Variants in EIF4A2 observed in about 807,000 individuals in gnomAD.
EIF4A2 encodes eukaryotic initiation factor 4A-II.
A neutral mutation model predicts 50.6 loss-of-function variants in EIF4A2; 9 were observed. The ratio of observed to expected loss-of-function variants is 0.18; its 90% CI spans 0.11 to 0.31. The LOEUF is 0.31. Among genes scored for constraint, EIF4A2 ranks in the 10% least tolerant of loss-of-function variants. The probability of loss-of-function intolerance (pLI) is 1.00; values close to 1 mark genes in which losing one functional copy is unlikely to be tolerated. For synonymous variants in EIF4A2, 215 were observed against 164.4 expected (o/e 1.31, Z -2.35); for missense variants, 182 against 501.8 (o/e 0.36, Z 6.09).
chr3:186,788,666 C>T (rs759562613), intron 10 of EIF4A2: 3 of 228,978 alleles, frequency 1.3e-5, no homozygotes, highest in African/African-American at 6.9e-5. Flanking sequence ...TATTTGTTTT[C>T]CCACTGGAAA....
In EIF4A2 at chr3:186,789,762, T is replaced by C. The variant is rs915472813; in HGVS notation, c.*493T>C. The C allele has an allele frequency of 1.9e-6, 1 of 534,450 alleles. No homozygotes were observed. The highest frequency in any genetic ancestry group is 3.3e-6 in the Non-Finnish European group (1 of 302,386). The allele number at this position is 534,450 out of a possible 1,614,324, so 33.1% of individuals were successfully genotyped here. A position where few individuals can be genotyped will look rare whatever the true frequency, so the allele number is the denominator to read the frequency against. On this transcript the variant is annotated 3_prime_UTR_variant, in exon 11 of 11. Transcript: ENST00000323963. ...TTTATTCAATAAAGTATTTAATTAG[T>C]GCTAAGTGTGAACTGGACCCTGTTG... is the stretch of plus-strand genomic sequence containing the variant.
At position 186,789,376 on chromosome 3, in the gene EIF4A2, T is replaced by C; in HGVS notation, c.*107T>C. On this transcript the variant is annotated 3_prime_UTR_variant, in exon 11 of 11. Coordinates refer to ENST00000323963, the MANE Select transcript of EIF4A2 (RefSeq NM_001967.4). ...GAATATTTGAATCTTGTCTCAATGC[T>C]CATAACGGATCAGAAATACAGATTT... The C allele has an allele frequency of 4.9e-6, 7 of 1,426,322 alleles. No individual in the cohort carries two copies. The highest frequency in any genetic ancestry group is 1.5e-5 in the South Asian group (1 of 67,512). 88.4% of individuals were successfully genotyped at this position (1,426,322 alleles called of 1,614,324 possible).
chr3:186,787,933 A>T (rs189908673), intron 10 of EIF4A2, 51 bp downstream of exon 10: 1 of 1,578,826 alleles, frequency 6.3e-7, no homozygotes, highest in African/African-American at 1.4e-5. Flanking sequence ...ACGTTTTTCT[A>T]CTGTGATTTG....
At chr3:186,784,367 A>G (rs1721566701) in intron 1 of EIF4A2, 65 bp from the exon 2 acceptor site, 42 of 1,612,524 alleles carry the variant, frequency 2.6e-5, no homozygotes, top group Admixed American at 3.3e-5. Context: ...GCAAAGGGCT[A>G]TGCGCTTAAG....
chr3:186,783,713 C>G (rs266720), intron 1 of EIF4A2, 74 bp downstream of exon 1: 3 of 1,610,598 alleles, frequency 1.9e-6, no homozygotes, highest in Non-Finnish European at 2.5e-6. Flanking sequence ...GTGGATGGCA[C>G]GGAGGCAAAA....
chr3:186,784,831 C>T (rs1164233928), intron 3 of EIF4A2, 131 bp from the exon 4 acceptor site: 3 of 1,598,938 alleles, frequency 1.9e-6, no homozygotes, highest in Non-Finnish European at 2.6e-6. Context: ...CGGGACTGAC[C>T]TGAAATGAAG....
rs11538612 is a variant in EIF4A2, at chr3:186,786,618, A to G, written c.744A>G (p.Lys248=). Residue 248 remains lysine, a synonymous_variant, in exon 7 of 11, where the codon AAA becomes AAG. Coordinates refer to ENST00000323963, the MANE Select transcript of EIF4A2 (RefSeq NM_001967.4). ...KKEELTLEGI[K]QFYINVEREE... ...AAGAATTGACCCTTGAAGGAATCAA[A>G]CAGTTTTATATTAATGTTGAGAGAG... 16,358 of 1,614,050 alleles carry G rather than the reference A, an allele frequency of 0.01. 305 individuals carry two copies. Among genetic ancestry groups the G allele is most frequent in the East Asian group, 0.081 (3,646 of 44,874 alleles).
chr3:186,785,813 C>T (rs2108457265), intron 4 of EIF4A2, 70 bp from the exon 5 acceptor site: 3 of 1,538,880 alleles, frequency 1.9e-6, no homozygotes, highest in Admixed American at 1.9e-5. Context: ...ATTATATTTG[C>T]CTTTATGCTT....
intron 10 of EIF4A2, chr3:186,788,422 T>G (rs2108462075): frequency 8.0e-7 from 1 of 1,247,506 alleles, no homozygotes; most frequent in Non-Finnish European, 1.0e-6. Flanking sequence ...AGCGAGTCGG[T>G]ATTTATATTT....
rs1722005214 is a variant in EIF4A2 at position 186,789,752 on chromosome 3, A to G, written c.*483A>G. 2.1e-6 allele frequency: 1 copy of G among 484,388 alleles called. No homozygotes were observed. The highest frequency in any genetic ancestry group is 3.7e-6 in the Non-Finnish European group (1 of 273,824). The allele number at this position is 484,388 out of a possible 1,614,324, so 30.0% of individuals were successfully genotyped here. ...TGGTATTGTATTTATTCAATAAAGT[A>G]TTTAATTAGTGCTAAGTGTGAACTG... is the stretch of plus-strand genomic sequence containing the variant. On this transcript the variant is annotated 3_prime_UTR_variant, in exon 11 of 11. Transcript: ENST00000323963.
intron 1 of EIF4A2, 42 bp downstream of exon 1, chr3:186,783,681 T>A (rs777383270): frequency 1.2e-6 from 2 of 1,614,004 alleles, no homozygotes; most frequent in Non-Finnish European, 1.7e-6. Context: ...GTGAAGGTCA[T>A]AGGGCGCCAG....
At chr3:186,786,689 G>A in intron 7 of EIF4A2, 44 bp downstream of exon 7, 1 of 1,611,004 alleles carries the variant, frequency 6.2e-7, no homozygotes, top group Non-Finnish European at 8.5e-7. Flanking sequence ...TCTTGTATAA[G>A]CACTGTGCTA....
chr3:186,786,091 T>C (rs1721685743), intron 5 of EIF4A2, 40 bp downstream of exon 5: 7 of 1,601,050 alleles, frequency 4.4e-6, no homozygotes, highest in Non-Finnish European at 6.0e-6. Context: ...TTTAAAACTG[T>C]TAACATAGTT....
chr3:186,787,930 T>C (rs780930217), intron 10 of EIF4A2, 48 bp downstream of exon 10: 1 of 1,583,570 alleles, frequency 6.3e-7, no homozygotes, highest in Non-Finnish European at 8.7e-7. Flanking sequence ...CATACGTTTT[T>C]CTACTGTGAT....
chr3:186,786,990 A>C, intron 7 of EIF4A2, 137 bp from the exon 8 acceptor site: 1 of 1,302,704 alleles, frequency 7.7e-7, no homozygotes, highest in South Asian at 1.4e-5. Flanking sequence ...GTCTGGTTGG[A>C]ACTCTGGGCT....
At chr3:186,788,340 G>A (rs1390671407) in intron 10 of EIF4A2, 6 of 1,290,122 alleles carry the variant, frequency 4.7e-6, no homozygotes, top group Non-Finnish European at 6.1e-6. Context: ...TGACGAGATG[G>A]CACTCAGAAA....
At chr3:186,788,264 T>C (rs762027774) in intron 10 of EIF4A2, 1 of 1,283,090 alleles carries the variant, frequency 7.8e-7, no homozygotes, top group African/African-American at 1.5e-5. Context: ...TAAATTGAAT[T>C]GTACTTTGTT....
intron 9 of EIF4A2, 85 bp from the exon 10 acceptor site, chr3:186,787,718 G>A (rs768617199): frequency 1.9e-6 from 3 of 1,592,284 alleles, no homozygotes; most frequent in South Asian, 2.2e-5. Flanking sequence ...ATACCACTTA[G>A]TATAGTTCGC....
rs768369678 is a variant in EIF4A2, at chr3:186,783,595, A to G, written c.-16A>G. ...CCGCTGTCTTTTCAGTCGGGCGCTG[A>G]GTGGTTTTTCGGATCATGTCTGGTG... is the stretch of plus-strand genomic sequence containing the variant. On this transcript the variant is annotated 5_prime_UTR_variant, in exon 1 of 11. Coordinates refer to ENST00000323963, the MANE Select transcript of EIF4A2 (RefSeq NM_001967.4). 7 of 1,613,938 alleles carry G rather than the reference A, an allele frequency of 4.3e-6. No homozygotes were observed. Among genetic ancestry groups the G allele is most frequent in the African/African-American group, 1.3e-5 (1 of 74,880 alleles).
Sources: allele counts gnomAD v4.1 joint callset, GRCh38; gene constraint gnomAD v4.1.1; transcripts MANE v1.5; gene names NCBI Gene and HGNC (gene_info 2026-07-23, HGNC 2026-07-21).